Variants in FRYL observed in about 807,000 individuals in gnomAD.
The protein encoded by FRYL is protein furry homolog-like.
FRYL carries 150 observed loss-of-function variants against 351.2 expected under a neutral mutation model. The ratio of observed to expected loss-of-function variants is 0.43; its 90% CI spans 0.37 to 0.49. The LOEUF is 0.49. FRYL is among the 20% of genes least tolerant of loss of function. FRYL has a pLI of 0.00. For missense variants in FRYL, 3,036 were observed against 3,619.3 expected (o/e 0.84, Z 4.13); for synonymous variants, 1,153 against 1,257.1 (o/e 0.92, Z 1.75).
chr4:48,661,052 G>C (rs138426336), intron 3 of FRYL, among the ~76,000 whole-genome samples: 50 of 152,254 alleles, frequency 3.3e-4, no homozygotes, highest in Admixed American at 5.2e-4. Context: ...AAATAATAAT[G>C]CATCAACATT....
At chr4:48,553,819 C>G (rs1316093582) in intron 35 of FRYL, among the ~76,000 whole-genome samples, 1 of 152,102 alleles carries the variant, frequency 6.6e-6, no homozygotes, top group Non-Finnish European at 1.5e-5. Context: ...TATAGTCAAC[C>G]AGAGTAGTCA....
intron 28 of FRYL, among the ~76,000 whole-genome samples, chr4:48,566,852 G>A (rs1011232088): frequency 3.9e-5 from 6 of 151,994 alleles, no homozygotes; most frequent in African/African-American, 7.2e-5. Flanking sequence ...TCAGTAACAC[G>A]GTATCCTTGT....
At chr4:48,505,381 C>A in intron 60 of FRYL, 166 bp downstream of exon 60, 90 of 601,692 alleles carry the variant, frequency 1.5e-4, no homozygotes, top group Non-Finnish European at 1.9e-4. Flanking sequence ...CATTATGAAA[C>A]CAGTATTTCA....
chr4:48,578,948 A>G, intron 23 of FRYL, 25 bp downstream of exon 23: 1 of 1,549,024 alleles, frequency 6.5e-7, no homozygotes, highest in South Asian at 1.3e-5. Context: ...TACATTTTTA[A>G]ATTTACACTA....
chr4:48,647,456 C>CCAA (rs1756745144), intron 3 of FRYL, among the ~76,000 whole-genome samples: 3 of 152,156 alleles, frequency 2.0e-5, no homozygotes, highest in Non-Finnish European at 4.4e-5. Context: ...TTTTGACCAT[C>CCAA]TATGTTGGAT....
At chr4:48,600,488 T>G (rs983727373) in intron 13 of FRYL, among the ~76,000 whole-genome samples, 1 of 152,060 alleles carries the variant, frequency 6.6e-6, no homozygotes, top group African/African-American at 2.4e-5. Context: ...ATGAACAATA[T>G]GCCAGAAATA....
chr4:48,705,708 T>C (rs768313070), intron 2 of FRYL, among the ~76,000 whole-genome samples: 4 of 152,210 alleles, frequency 2.6e-5, no homozygotes, highest in Admixed American at 6.5e-5. Context: ...ATGAACTTAA[T>C]TGTATATCCA....
rs1267723631 is a variant in FRYL, at chr4:48,497,478, C to G, written c.*1944G>C. The stretch of plus-strand genomic sequence containing the variant: ...GGTAGTCAACTAATTTTGTTCTTTT[C>G]TAGGGCAATTCAAGAAGGTAACATT... On this transcript the variant is annotated 3_prime_UTR_variant, in exon 64 of 64. Transcript: ENST00000358350. 6.6e-6 allele frequency: 1 copy of G among 152,566 alleles called. No individual in the cohort carries two copies. Among genetic ancestry groups the G allele is most frequent in the Non-Finnish European group, 1.5e-5 (1 of 68,018 alleles). 9.5% of individuals were successfully genotyped at this position (152,566 alleles called of 1,614,324 possible). A position where few individuals can be genotyped will look rare whatever the true frequency, so the allele number is the denominator to read the frequency against.
At chr4:48,756,407 G>C (rs1425848538) in intron 1 of FRYL, among the ~76,000 whole-genome samples, 2 of 152,130 alleles carry the variant, frequency 1.3e-5, no homozygotes, top group Middle Eastern at 3.4e-3. Context: ...AGTCTAAAAT[G>C]ACCTCTATTT....
chr4:48,514,269 G>A (rs1441028673), intron 56 of FRYL, among the ~76,000 whole-genome samples: 1 of 152,080 alleles, frequency 6.6e-6, no homozygotes, highest in African/African-American at 2.4e-5. Flanking sequence ...CTCACAGAGT[G>A]CATGAAGTTA....
chr4:48,736,880 AAAAG>A (rs1322941922), intron 1 of FRYL, among the ~76,000 whole-genome samples: 5 of 150,918 alleles, frequency 3.3e-5, no homozygotes, highest in African/African-American at 7.3e-5. Flanking sequence ...AGAAAAAAGA[AAAAG>A]AAAGAAAGAA....
At chr4:48,678,793 T>C (rs1486449981) in intron 3 of FRYL, among the ~76,000 whole-genome samples, 1 of 152,170 alleles carries the variant, frequency 6.6e-6, no homozygotes. Context: ...TTCATGATTA[T>C]GCTTTATTTT....
At chr4:48,579,681 A>G (rs1007136922) in intron 22 of FRYL, among the ~76,000 whole-genome samples, 10 of 152,186 alleles carry the variant, frequency 6.6e-5, no homozygotes, top group African/African-American at 2.4e-4. Context: ...TCAATATTTG[A>G]ACTCTTATAC....
At chr4:48,639,454 A>C (rs1048068324) in intron 3 of FRYL, among the ~76,000 whole-genome samples, 4 of 149,688 alleles carry the variant, frequency 2.7e-5, no homozygotes, top group Admixed American at 1.3e-4. Flanking sequence ...CCTTGCCACA[A>C]ATAGTACTAG....
At chr4:48,651,544 T>C (rs765834182) in intron 3 of FRYL, among the ~76,000 whole-genome samples, 1 of 152,116 alleles carries the variant, frequency 6.6e-6, no homozygotes, top group Non-Finnish European at 1.5e-5. Flanking sequence ...TAAGTCACAG[T>C]GCACACACAA....
chr4:48,752,527 G>A (rs575123751), intron 1 of FRYL, among the ~76,000 whole-genome samples: 5 of 152,280 alleles, frequency 3.3e-5, no homozygotes, highest in South Asian at 2.1e-4. Flanking sequence ...TTTAATCATC[G>A]TTCCATGAAT....
chr4:48,499,322 G>T lies in FRYL; in HGVS notation c.*100C>A. ...TTAGTTACACTAAAAAGTAGATGCT[G>T]CCAGAAAGTTATCAGTGAATGCAAG... is the stretch of plus-strand genomic sequence containing the variant. On this transcript the variant is annotated 3_prime_UTR_variant, in exon 64 of 64. Transcript: ENST00000358350. 2 of 1,020,996 alleles carry T rather than the reference G, an allele frequency of 2.0e-6. No homozygotes were observed. The highest frequency in any genetic ancestry group is 2.9e-6 in the Non-Finnish European group (2 of 679,308). The allele number at this position is 1,020,996 out of a possible 1,614,324, so 63.2% of individuals were successfully genotyped here.
chr4:48,676,435 C>T (rs1204846295), intron 3 of FRYL, among the ~76,000 whole-genome samples: 3 of 152,196 alleles, frequency 2.0e-5, no homozygotes, highest in Non-Finnish European at 2.9e-5. Flanking sequence ...CGCGAGGGTC[C>T]GCGGCTTCAT....
intron 1 of FRYL, among the ~76,000 whole-genome samples, chr4:48,712,640 C>T (rs1478318346): frequency 6.6e-6 from 1 of 152,208 alleles, no homozygotes; most frequent in Non-Finnish European, 1.5e-5. Flanking sequence ...TTGGAAAACA[C>T]TCTGCAGGAT....
Sources: gnomAD v4.1 joint callset for allele counts (sites outside exome capture counted in the v4.1 genomes callset) on GRCh38, gnomAD v4.1.1 for gene constraint, MANE v1.5 for transcripts, NCBI Gene and HGNC (gene_info 2026-07-23, HGNC 2026-07-21) for gene names.